Variants in CDH13 observed in about 807,000 individuals in gnomAD.
CDH13 encodes cadherin-13.
A neutral mutation model predicts 63.8 loss-of-function variants in CDH13; 24 were observed. The observed-to-expected ratio is 0.38, with a 90% confidence interval of 0.27 to 0.53. The LOEUF is 0.53. Among genes scored for constraint, CDH13 ranks in the 20% least tolerant of loss-of-function variants. The pLI, the probability that CDH13 is intolerant of heterozygous loss-of-function variation, is 0.85. For synonymous variants in CDH13, 503 were observed against 355.3 expected (o/e 1.42, Z -4.67); for missense variants, 1,049 against 903.1 (o/e 1.16, Z -2.07).
intron 2 of CDH13, among the ~76,000 whole-genome samples, chr16:82,930,305 A>C (rs1212597787): frequency 6.6e-6 from 1 of 152,108 alleles, no homozygotes; most frequent in African/African-American, 2.4e-5. Flanking sequence ...AATCATAGAG[A>C]GTGTACTCTT....
chr16:83,569,788 G>A (rs1466204316), intron 7 of CDH13, among the ~76,000 whole-genome samples: 1 of 152,154 alleles, frequency 6.6e-6, no homozygotes. Context: ...CCAGGCTGGA[G>A]TGCAGTGGTA....
At chr16:82,712,451 C>G (rs79498328) in intron 1 of CDH13, among the ~76,000 whole-genome samples, 1 of 152,056 alleles carries the variant, frequency 6.6e-6, no homozygotes, top group Non-Finnish European at 1.5e-5. Flanking sequence ...CTTGCGTATT[C>G]TTCTCCATGG....
chr16:83,558,462 C>T (rs1024809738), intron 7 of CDH13, among the ~76,000 whole-genome samples: 1 of 152,220 alleles, frequency 6.6e-6, no homozygotes, highest in African/African-American at 2.4e-5. Flanking sequence ...TGGGTAGTAT[C>T]ACTGGTGCCT....
chr16:83,080,871 G>GTTTTTTTTTTTGTTTTTTTT lies in CDH13; in HGVS notation c.367-44503_367-44502insGTTTTTTTTTTTTTTTTTTT, dbSNP rs2033185148. On this transcript the variant is annotated intron_variant, in intron 3 of 13. Transcript: ENST00000567109. ...AGATAGAGTTTTGTTTTGTTTTTGT[G>GTTTTTTTTTTTGTTTTTTTT]TTTTTTTTTTTTTTTTTTTTTTTTT... Among the ~76,000 whole-genome samples, 49 of 46,940 alleles carry GTTTTTTTTTTTGTTTTTTTT rather than the reference G, an allele frequency of 1.0e-3. 1 individual carries two copies. The highest frequency in any genetic ancestry group is 1.3e-3 in the South Asian group (1 of 762). 30.8% of individuals were successfully genotyped at this position (46,940 alleles called of 152,430 possible). A position where few individuals can be genotyped will look rare whatever the true frequency, so the allele number is the denominator to read the frequency against.
intron 2 of CDH13, among the ~76,000 whole-genome samples, chr16:82,877,895 A>C (rs912683266): frequency 6.7e-6 from 1 of 148,988 alleles, no homozygotes; most frequent in Non-Finnish European, 1.5e-5. Context: ...TTGAGGAGAG[A>C]GGAAGGTGGA....
At chr16:83,420,271 G>A (rs1023404007) in intron 6 of CDH13, among the ~76,000 whole-genome samples, 1 of 152,174 alleles carries the variant, frequency 6.6e-6, no homozygotes, top group African/African-American at 2.4e-5. Flanking sequence ...TCACAATTGA[G>A]AGCATCAACT....
intron 7 of CDH13, among the ~76,000 whole-genome samples, chr16:83,524,740 C>A (rs1257441756): frequency 6.6e-6 from 1 of 152,122 alleles, no homozygotes; most frequent in African/African-American, 2.4e-5. Context: ...GTGTGAGCCA[C>A]CTCGCCCGGC....
At chr16:83,334,458 A>C (rs2090549309) in intron 5 of CDH13, among the ~76,000 whole-genome samples, 3 of 150,242 alleles carry the variant, frequency 2.0e-5, no homozygotes, top group African/African-American at 7.4e-5. Flanking sequence ...TGCAGCTTCA[A>C]CCTTCCGGGC....
At chr16:82,963,688 C>G (rs1340361397) in intron 2 of CDH13, among the ~76,000 whole-genome samples, 2 of 152,168 alleles carry the variant, frequency 1.3e-5, no homozygotes, top group African/African-American at 4.8e-5. Context: ...CCCCTAAATC[C>G]TCAACACCTG....
At chr16:82,907,471 A>G (rs1461467148) in intron 2 of CDH13, among the ~76,000 whole-genome samples, 5 of 152,204 alleles carry the variant, frequency 3.3e-5, no homozygotes, top group Non-Finnish European at 7.3e-5. Flanking sequence ...GGCTTGACCC[A>G]TCTATGAAAT....
chr16:83,083,294 A>G (rs76597248), intron 3 of CDH13, among the ~76,000 whole-genome samples: 23,490 of 152,138 alleles, frequency 0.15, 2,322 homozygotes, highest in Non-Finnish European at 0.21. Flanking sequence ...CTGTTTCAGT[A>G]AAGCATTAGG....
chr16:83,289,446 C>T (rs2089412514), intron 5 of CDH13, among the ~76,000 whole-genome samples: 1 of 152,076 alleles, frequency 6.6e-6, no homozygotes, highest in Non-Finnish European at 1.5e-5. Flanking sequence ...GTGTGGAACC[C>T]AGATATTGAT....
At chr16:82,935,611 T>A (rs567178136) in intron 2 of CDH13, among the ~76,000 whole-genome samples, 2 of 152,286 alleles carry the variant, frequency 1.3e-5, no homozygotes, top group African/African-American at 4.8e-5. Flanking sequence ...TTCTCGAACT[T>A]GAGTGTATAT....
At chr16:83,084,051 A>G (rs544808509) in intron 3 of CDH13, among the ~76,000 whole-genome samples, 1 of 152,328 alleles carries the variant, frequency 6.6e-6, no homozygotes, top group East Asian at 1.9e-4. Flanking sequence ...GGCCACATGA[A>G]CTGGCAGAAG....
chr16:83,754,029 G>A (rs1597180167), intron 11 of CDH13, among the ~76,000 whole-genome samples: 1 of 152,086 alleles, frequency 6.6e-6, no homozygotes, highest in African/African-American at 2.4e-5. Flanking sequence ...AGGATGGAGG[G>A]AAAGAAATTA....
intron 7 of CDH13, among the ~76,000 whole-genome samples, chr16:83,527,691 T>C (rs2074996163): frequency 6.6e-6 from 1 of 152,094 alleles, no homozygotes; most frequent in South Asian, 2.1e-4. Flanking sequence ...AAGGACCCAG[T>C]AAGCAAATGC....
At position 83,660,437 on chromosome 16, in the gene CDH13, C is replaced by T. The variant is rs528947169; in HGVS notation, c.1102-10353C>T. Among the ~76,000 whole-genome samples, 17 of 152,244 alleles carry T rather than the reference C, an allele frequency of 1.1e-4. No individual in the cohort carries two copies. The South Asian group carries it at 3.1e-3, about 28-fold the overall frequency. On this transcript the variant is annotated intron_variant, in intron 8 of 13. Transcript: ENST00000567109. ...GTGCTCCTATGAGAATCTAATGCCA[C>T]CACTGATCTGACAGGAGGTGGAGCT... is the stretch of plus-strand genomic sequence containing the variant.
At chr16:83,476,293 G>C (rs541066499) in intron 6 of CDH13, among the ~76,000 whole-genome samples, 1 of 152,166 alleles carries the variant, frequency 6.6e-6, no homozygotes, top group Admixed American at 6.5e-5. Flanking sequence ...AGTATCCCCA[G>C]GCATTGCCAA....
chr16:83,447,266 T>G (rs796588232), intron 6 of CDH13, among the ~76,000 whole-genome samples: 7 of 151,522 alleles, frequency 4.6e-5, no homozygotes, highest in African/African-American at 1.5e-4. Context: ...AATACAAAAA[T>G]TAGCCGGGCG....
Sources: gnomAD v4.1 joint callset for allele counts (sites outside exome capture counted in the v4.1 genomes callset) on GRCh38, gnomAD v4.1.1 for gene constraint, MANE v1.5 for transcripts, NCBI Gene and HGNC (gene_info 2026-07-23, HGNC 2026-07-21) for gene names.